DNAH10: variants seen among roughly 807,000 people sequenced by gnomAD.
DNAH10 encodes dynein axonemal heavy chain 10.
DNAH10 carries 348 observed loss-of-function variants against 506.6 expected under a neutral mutation model. The observed-to-expected ratio is 0.69, with a 90% CI of 0.63 to 0.75. DNAH10 has a LOEUF of 0.75. DNAH10 is among the 30% of genes least tolerant of loss of function. DNAH10 has a pLI of 0.00. For missense variants in DNAH10, 5,179 were observed against 5,787.1 expected (o/e 0.89, Z 3.41); for synonymous variants, 2,059 against 2,198.6 (o/e 0.94, Z 1.78).
At chr12:123,933,593 A>G in intron 77 of DNAH10, 82 bp downstream of exon 77, 2 of 1,480,618 alleles carry the variant, frequency 1.4e-6, no homozygotes, top group African/African-American at 1.4e-5. Flanking sequence ...AGGGACAGGC[A>G]TAGCGTGGGC....
At position 123,845,732 on chromosome 12, in the gene DNAH10, G is replaced by A. The variant is rs1235194119; in HGVS notation, c.5493G>A (p.Arg1831=). 3 of 1,613,820 alleles carry A rather than the reference G, an allele frequency of 1.9e-6. No homozygotes were observed. Among genetic ancestry groups the A allele is most frequent in the South Asian group, 2.2e-5 (2 of 91,078 alleles). Residue 1831 remains arginine, a synonymous_variant, in exon 31 of 79, where the codon AGG becomes AGA. Coordinates refer to ENST00000673944, the MANE Select transcript of DNAH10 (RefSeq NM_001372106.1). ...GEKQAMKNYG[R]KMHRQIDELV... ...AGCAGGCCATGAAGAACTATGGCAG[G>A]AAAATGCACCGGCAGATCGATGAGT... is the stretch of plus-strand genomic sequence containing the variant.
At chr12:123,889,105 C>T (rs904021560) in intron 52 of DNAH10, among the ~76,000 whole-genome samples, 15 of 152,220 alleles carry the variant, frequency 9.9e-5, no homozygotes, top group African/African-American at 3.6e-4. Context: ...TCCCTCCTTT[C>T]TCGCCTTGCT....
rs758354099 is a variant in DNAH10, at chr12:123,877,872, G to C, written c.8336G>C (p.Arg2779Pro). ...ATCTTCAACCTTCGAGATCTCTCAC[G>C]GGTTTTTAATGGTCTTGTCCTCACT... The part of the protein sequence containing the change: ...HYIFNLRDLS[R>P]VFNGLVLTNP... Residue 2779 changes from arginine to proline, a missense_variant, in exon 48 of 79, where the codon CGG becomes CCG. By Grantham distance (103) the Arg-to-Pro change is moderately radical (BLOSUM62 -2). Coordinates refer to ENST00000673944, the MANE Select transcript of DNAH10 (RefSeq NM_001372106.1). 1.2e-6 allele frequency: 2 copies of C among 1,613,966 alleles called. No homozygotes were observed. The highest frequency in any genetic ancestry group is 1.7e-6 in the Non-Finnish European group (2 of 1,179,890).
chr12:123,781,781 G>T (rs542752570), intron 6 of DNAH10, among the ~76,000 whole-genome samples: 25 of 152,188 alleles, frequency 1.6e-4, no homozygotes, highest in South Asian at 2.1e-4. Flanking sequence ...CAGGATTTTT[G>T]AATACATTTT....
intron 58 of DNAH10, among the ~76,000 whole-genome samples, chr12:123,910,269 G>T (rs1292048210): frequency 6.6e-6 from 1 of 152,204 alleles, no homozygotes; most frequent in Non-Finnish European, 1.5e-5. Flanking sequence ...TGGGTGCCCA[G>T]TTGGGAGTCT....
intron 11 of DNAH10, among the ~76,000 whole-genome samples, chr12:123,791,599 C>T (rs546599642): frequency 6.6e-6 from 1 of 152,046 alleles, no homozygotes; most frequent in South Asian, 2.1e-4. Context: ...TTTTTAGGGA[C>T]AGGGTCTTGC....
intron 24 of DNAH10, among the ~76,000 whole-genome samples, chr12:123,825,382 C>A (rs1032357967): frequency 2.0e-5 from 3 of 152,108 alleles, no homozygotes; most frequent in Admixed American, 2.0e-4. Context: ...TAGAAACAAC[C>A]CAAATGCCCA....
intron 52 of DNAH10, among the ~76,000 whole-genome samples, chr12:123,890,839 G>C (rs1017965587): frequency 1.3e-5 from 2 of 152,178 alleles, no homozygotes; most frequent in African/African-American, 4.8e-5. Flanking sequence ...GTGACTCCCA[G>C]GTTTCTGGTG....
Position 123,819,046 on chromosome 12 carries a change from A to T in DNAH10, c.3877A>T (p.Ile1293Leu), listed in dbSNP as rs1959193571. 6.2e-7 allele frequency: 1 copy of T among 1,604,300 alleles called. No individual in the cohort carries two copies. The highest frequency in any genetic ancestry group is 1.3e-5 in the African/African-American group (1 of 74,984). The change falls in exon 22 of 79, where the codon ATA (isoleucine) becomes TTA (leucine). Residue 1293 changes from isoleucine to leucine, a missense_variant. Physicochemically the swap from Ile to Leu is conservative, Grantham distance 5. Coordinates refer to ENST00000673944, the MANE Select transcript of DNAH10 (RefSeq NM_001372106.1). ...GAATGTGGAGCATGCTCTTGGGGAC[A>T]TAAAGAGAACTTTCACAGAGGTACC... is the stretch of plus-strand genomic sequence containing the variant. Reference protein sequence around the residue: ...SVNVEHALGDIKRTFTELTRG... With the variant: ...SVNVEHALGDLKRTFTELTRG...
chr12:123,893,881 C>T (rs1953101267), intron 53 of DNAH10, among the ~76,000 whole-genome samples: 1 of 152,074 alleles, frequency 6.6e-6, no homozygotes, highest in African/African-American at 2.4e-5. Context: ...GGGTAGAAGC[C>T]AGGGATGCTG....
At chr12:123,934,382 C>T in intron 77 of DNAH10, 1 of 661,934 alleles carries the variant, frequency 1.5e-6, no homozygotes, top group Non-Finnish European at 2.7e-6. Context: ...AGGCCACCGC[C>T]CCACACCCAT....
Position 123,801,154 on chromosome 12 carries a change from C to T in DNAH10, c.2463-127C>T, listed in dbSNP as rs539820190. 1.0e-4 allele frequency: 103 copies of T among 985,612 alleles called. 1 individual carries two copies. In the African/African-American group the frequency reaches 1.6e-3, roughly 15 times the overall value. 61.1% of individuals were successfully genotyped at this position (985,612 alleles called of 1,614,324 possible). On this transcript the variant is annotated intron_variant, in intron 15 of 78. Coordinates refer to ENST00000673944, the MANE Select transcript of DNAH10 (RefSeq NM_001372106.1). ...ATGAGAAGAGTGATGTTTTAAATTT[C>T]TGCAAATCTCTTGATCAAGGTTGGT... is the stretch of plus-strand genomic sequence containing the variant.
In DNAH10 at chr12:123,913,023, C is replaced by T. The variant is rs2137470600; in HGVS notation, c.10135-75C>T. 7.1e-7 allele frequency: 1 copy of T among 1,411,996 alleles called. No homozygotes were observed. The highest frequency in any genetic ancestry group is 1.3e-5 in the South Asian group (1 of 76,190). 87.5% of individuals were successfully genotyped at this position (1,411,996 alleles called of 1,614,324 possible). On this transcript the variant is annotated intron_variant, in intron 59 of 78. Transcript: ENST00000673944. The surrounding 1 kb of genome is among the most constrained non-coding windows in gnomAD (Gnocchi z 5.1). Reference sequence around the variant, plus strand: ...CCATTAGAGCAGTTTAGACATGTGGCCTGGTTTGAGGCCATGGGATCGCGG... The same window carrying T: ...CCATTAGAGCAGTTTAGACATGTGGTCTGGTTTGAGGCCATGGGATCGCGG...
chr12:123,924,563 G>A (rs1954856875), intron 67 of DNAH10, 131 bp downstream of exon 67: 3 of 1,139,432 alleles, frequency 2.6e-6, no homozygotes, highest in Non-Finnish European at 3.6e-6. Context: ...CTGATGCCCT[G>A]TAACTCCCTG....
rs767358082 is a variant in DNAH10, at chr12:123,925,230, C to A, written c.11921+26C>A. ...GTAAGTGTGTCGTTTTGTTGATTTGCCACTTTCCGTGGGGTGGAATCTCTA... is the reference window on the plus strand; with the variant it reads ...GTAAGTGTGTCGTTTTGTTGATTTGACACTTTCCGTGGGGTGGAATCTCTA... On this transcript the variant is annotated intron_variant, in intron 68 of 78. Transcript: ENST00000673944. This position sits in a 1 kb window ranked among gnomAD's most constrained non-coding sequence, Gnocchi z 4.0. The A allele has an allele frequency of 6.2e-7, 1 of 1,613,078 alleles. No homozygotes were observed. The highest frequency in any genetic ancestry group is 8.5e-7 in the Non-Finnish European group (1 of 1,179,124).
In DNAH10 at chr12:123,838,567, C is replaced by T. The variant is rs531299992; in HGVS notation, c.5014C>T (p.Leu1672Phe). 1 of 1,614,050 alleles carries T rather than the reference C, an allele frequency of 6.2e-7. No individual in the cohort carries two copies. The highest frequency in any genetic ancestry group is 1.7e-5 in the Admixed American group (1 of 60,026). ...SEGLEKCQKS[L>F]NDYLDSKRNA... is the part of the protein sequence containing the mutation. The stretch of plus-strand genomic sequence containing the variant: ...GGGCCTGGAGAAATGCCAGAAAAGC[C>T]TCAACGACTACTTAGATTCGAAGAG... The change falls in exon 29 of 79, where the codon CTC becomes TTC. Residue 1672 changes from leucine (L) to phenylalanine (F), a missense_variant. Coordinates refer to ENST00000673944, the MANE Select transcript of DNAH10 (RefSeq NM_001372106.1).
chr12:123,932,717 C>G (rs1955276647), intron 76 of DNAH10: 1 of 152,616 alleles, frequency 6.6e-6, no homozygotes, highest in African/African-American at 2.4e-5. Context: ...TTTTGGATCA[C>G]TGTCTCCCTG....
At chr12:123,873,536 A>G (rs1952119528) in intron 45 of DNAH10, 22 bp from the exon 46 acceptor site, 1 of 1,581,416 alleles carries the variant, frequency 6.3e-7, no homozygotes, top group African/African-American at 1.4e-5. Flanking sequence ...CTGGCTTTTC[A>G]CATCATCTCT....
chr12:123,864,520 A>G, intron 39 of DNAH10, 75 bp from the exon 40 acceptor site: 3 of 1,530,796 alleles, frequency 2.0e-6, no homozygotes, highest in Non-Finnish European at 2.6e-6. Flanking sequence ...TTCAACATGA[A>G]TGGGCAGGTT....
Sources: gnomAD v4.1 joint callset for allele counts (sites outside exome capture counted in the v4.1 genomes callset) on GRCh38, gnomAD v4.1.1 for gene constraint, Gnocchi (gnomAD v3.1) non-coding constraint, MANE v1.5 for transcripts, NCBI Gene and HGNC (gene_info 2026-07-23, HGNC 2026-07-21) for gene names.